The following PRKN variants were observed in gnomAD, a reference collection of about 807,000 sequenced individuals.
PRKN encodes parkin RBR E3 ubiquitin protein ligase.
Under a neutral mutation model 59.5 loss-of-function variants are expected in PRKN, and 56 were observed. The observed-to-expected ratio is 0.94, with a 90% CI of 0.76 to 1.18. PRKN has a LOEUF of 1.18. Among genes scored for constraint, PRKN ranks in the 50% most tolerant of loss-of-function variants. The probability of loss-of-function intolerance (pLI) is 0.00; values close to 1 mark genes in which losing one functional copy is unlikely to be tolerated. For missense variants in PRKN, 657 were observed against 596.4 expected (o/e 1.10, Z -1.06); for synonymous variants, 250 against 222.1 (o/e 1.13, Z -1.12).
At chr6:162,422,954 C>CAACAA (rs1789050640) in intron 2 of PRKN, among the ~76,000 whole-genome samples, 1 of 65,702 alleles carries the variant, frequency 1.5e-5, no homozygotes. Flanking sequence ...TCCAAGAGAC[C>CAACAA]AAAAAAAAAA....
intron 6 of PRKN, among the ~76,000 whole-genome samples, chr6:161,867,768 T>TATTTA (rs1794182002): frequency 2.0e-5 from 3 of 151,208 alleles, no homozygotes; most frequent in Non-Finnish European, 4.4e-5. Context: ...TTTATTTATT[T>TATTTA]ATTTATTTTT....
At chr6:161,885,659 T>C (rs1008712216) in intron 6 of PRKN, among the ~76,000 whole-genome samples, 53 of 108,516 alleles carry the variant, frequency 4.9e-4, no homozygotes, top group East Asian at 8.5e-4. Context: ...AGCGAGACTC[T>C]GTCTCAAAAA....
Position 161,778,757 on chromosome 6 carries a change from G to A in PRKN, c.871+7015C>T, listed in dbSNP as rs374531542. Among the ~76,000 whole-genome samples, 190 of 152,218 alleles carry A rather than the reference G, an allele frequency of 1.2e-3. 6 individuals carry two copies. In the South Asian group the frequency reaches 0.038, roughly 30 times the overall value. On this transcript the variant is annotated intron_variant, in intron 7 of 11. Coordinates refer to ENST00000366898, the MANE Select transcript of PRKN (RefSeq NM_004562.3). ...GCACCAGGAGTGCACGATCAGCAAC[G>A]TGCCCAAAGTGCCCATCGTGTTGTC...
intron 6 of PRKN, among the ~76,000 whole-genome samples, chr6:161,892,598 GAAA>G (rs1421351938): frequency 6.6e-6 from 1 of 152,026 alleles, no homozygotes; most frequent in Non-Finnish European, 1.5e-5. Context: ...TTTGTTTTCA[GAAA>G]CCAAAGAGGC....
intron 6 of PRKN, among the ~76,000 whole-genome samples, chr6:161,816,521 T>C (rs896351990): frequency 2.0e-5 from 3 of 152,232 alleles, no homozygotes; most frequent in East Asian, 1.9e-4. Flanking sequence ...CACTTATACC[T>C]CAGTGAAAAA....
At chr6:161,658,634 T>G (rs537246386) in intron 7 of PRKN, among the ~76,000 whole-genome samples, 1 of 152,264 alleles carries the variant, frequency 6.6e-6, no homozygotes, top group South Asian at 2.1e-4. Context: ...GAGGTGGAGC[T>G]TGGGGACATG....
At chr6:162,235,958 G>GAAGAAAGGAAGA (rs1778658651) in intron 3 of PRKN, among the ~76,000 whole-genome samples, 23 of 92,596 alleles carry the variant, frequency 2.5e-4, no homozygotes, top group African/African-American at 9.2e-4. Context: ...AGGAAGAAAG[G>GAAGAAAGGAAGA]AAGAAAGAAA....
chr6:162,021,147 TATA>T (rs1440802496), intron 5 of PRKN, among the ~76,000 whole-genome samples: 5 of 13,132 alleles, frequency 3.8e-4, no homozygotes, highest in Non-Finnish European at 7.3e-4. Flanking sequence ...TATATATATA[TATA>T]TATATATATA....
chr6:161,941,852 A>AGATG (rs1312276581), intron 6 of PRKN, among the ~76,000 whole-genome samples: 1 of 152,290 alleles, frequency 6.6e-6, no homozygotes, highest in South Asian at 2.1e-4. Flanking sequence ...CATAATAAAG[A>AGATG]GATGGATCAT....
chr6:162,149,797 G>A (rs558446331), intron 4 of PRKN, among the ~76,000 whole-genome samples: 5 of 152,262 alleles, frequency 3.3e-5, no homozygotes, highest in Admixed American at 2.0e-4. Flanking sequence ...TGTCACTAAC[G>A]TGGAAGGGCG....
chr6:162,157,374 C>T (rs1163815717), intron 4 of PRKN, among the ~76,000 whole-genome samples: 5 of 151,926 alleles, frequency 3.3e-5, no homozygotes, highest in South Asian at 2.1e-4. Flanking sequence ...TTACCCCCAC[C>T]GAGAATGGCT....
At chr6:162,360,334 T>C (rs759216875) in intron 2 of PRKN, among the ~76,000 whole-genome samples, 4 of 152,186 alleles carry the variant, frequency 2.6e-5, no homozygotes, top group Non-Finnish European at 5.9e-5. Context: ...CTGTGAATCG[T>C]TTACTTGGAC....
chr6:161,732,633 G>T (rs57455506), intron 7 of PRKN, among the ~76,000 whole-genome samples: 5,760 of 152,236 alleles, frequency 0.038, 352 homozygotes, highest in African/African-American at 0.13. Flanking sequence ...TTTTAAAAGT[G>T]AGAACATGCA....
chr6:162,711,411 ACTG>A (rs1214157821), intron 1 of PRKN, among the ~76,000 whole-genome samples: 8 of 94,592 alleles, frequency 8.5e-5, no homozygotes, highest in South Asian at 6.9e-4. Flanking sequence ...GTTGGTCAAA[ACTG>A]CTATTTAAAA....
chr6:162,606,449 T>C (rs1344829596), intron 1 of PRKN, among the ~76,000 whole-genome samples: 1 of 152,224 alleles, frequency 6.6e-6, no homozygotes, highest in Non-Finnish European at 1.5e-5. Context: ...GATGGCTGTA[T>C]GGGTACTTGA....
chr6:162,062,460 A>G (rs1778140101), intron 4 of PRKN, among the ~76,000 whole-genome samples: 1 of 152,190 alleles, frequency 6.6e-6, no homozygotes, highest in Non-Finnish European at 1.5e-5. Context: ...TTTATGTTTA[A>G]GTACTAACCC....
At chr6:162,075,094 T>G (rs558636747) in intron 4 of PRKN, among the ~76,000 whole-genome samples, 2 of 152,326 alleles carry the variant, frequency 1.3e-5, no homozygotes, top group East Asian at 3.9e-4. Flanking sequence ...AGTCTGGCTG[T>G]TGCATGGAGG....
chr6:161,810,275 G>A (rs1386989203), intron 6 of PRKN, among the ~76,000 whole-genome samples: 1 of 152,200 alleles, frequency 6.6e-6, no homozygotes, highest in Non-Finnish European at 1.5e-5. Flanking sequence ...GGCCTCAGAA[G>A]AAACCAACCT....
At chr6:162,131,836 C>A (rs761438026) in intron 4 of PRKN, among the ~76,000 whole-genome samples, 3 of 152,200 alleles carry the variant, frequency 2.0e-5, no homozygotes, top group Non-Finnish European at 4.4e-5. Flanking sequence ...TCATCCATTT[C>A]TTCAGCAAAT....
Sources: gnomAD v4.1 joint callset for allele counts (sites outside exome capture counted in the v4.1 genomes callset) on GRCh38, gnomAD v4.1.1 for gene constraint, MANE v1.5 for transcripts, NCBI Gene and HGNC (gene_info 2026-07-23, HGNC 2026-07-21) for gene names.